AOPEP: variants seen among roughly 807,000 people sequenced by gnomAD.
AOPEP encodes aminopeptidase O.
Under a neutral mutation model 98.1 loss-of-function variants are expected in AOPEP, and 77 were observed. The ratio of observed to expected loss-of-function variants is 0.78; its 90% CI spans 0.65 to 0.95. AOPEP has a LOEUF of 0.95. Ranked by LOEUF, AOPEP falls within the 40% of genes least tolerant of loss-of-function variation. The pLI, the probability that AOPEP is intolerant of heterozygous loss-of-function variation, is 0.00. For synonymous variants in AOPEP, 346 were observed against 365.3 expected, an observed-to-expected ratio of 0.95 and a Z score of 0.60; for missense variants, 1,024 against 1,024.7, an observed-to-expected ratio of 1.00 and a Z score of 0.01.
chr9:95,041,245 G>C (rs2133571284), intron 13 of AOPEP, among the ~76,000 whole-genome samples: 1 of 152,270 alleles, frequency 6.6e-6, no homozygotes, highest in East Asian at 1.9e-4. Flanking sequence ...GCCAAAGAAA[G>C]ACTCCTTTGT....
chr9:94,782,277 A>G (rs1048408227), intron 3 of AOPEP, among the ~76,000 whole-genome samples: 1 of 152,210 alleles, frequency 6.6e-6, no homozygotes, highest in Non-Finnish European at 1.5e-5. Flanking sequence ...AGACTGCCTA[A>G]TGGAAGCTCC....
chr9:94,846,647 C>T (rs564067244), intron 5 of AOPEP, among the ~76,000 whole-genome samples: 67 of 152,292 alleles, frequency 4.4e-4, no homozygotes, highest in African/African-American at 1.4e-3. Context: ...GGCTCACGCC[C>T]GTAATCCTAG....
At chr9:94,957,750 C>T (rs572323718) in intron 9 of AOPEP, among the ~76,000 whole-genome samples, 1 of 152,044 alleles carries the variant, frequency 6.6e-6, no homozygotes, top group East Asian at 1.9e-4. Context: ...AATCCGCTTT[C>T]TGTCTCTATG....
chr9:94,928,828 G>A (rs1225736726), intron 7 of AOPEP: 4 of 291,004 alleles, frequency 1.4e-5, no homozygotes, highest in Admixed American at 5.2e-5. Context: ...CGGATGTGGC[G>A]AGGGTTGGGG....
At chr9:95,042,338 A>C (rs1417757188) in intron 13 of AOPEP, among the ~76,000 whole-genome samples, 2 of 151,506 alleles carry the variant, frequency 1.3e-5, no homozygotes, top group Non-Finnish European at 2.9e-5. Context: ...ATAAATAAAT[A>C]AATACATAAA....
intron 5 of AOPEP, among the ~76,000 whole-genome samples, chr9:94,892,258 C>T (rs962494641): frequency 9.2e-5 from 14 of 152,196 alleles, no homozygotes; most frequent in African/African-American, 3.4e-4. Flanking sequence ...AATCTACTCC[C>T]TTCCTCCTCT....
intron 9 of AOPEP, among the ~76,000 whole-genome samples, chr9:94,965,327 G>A (rs1422783573): frequency 6.6e-6 from 1 of 152,156 alleles, no homozygotes. Flanking sequence ...ACGTCAAACA[G>A]CAATAAACAA....
intron 11 of AOPEP, among the ~76,000 whole-genome samples, chr9:94,981,361 C>A (rs1281594301): frequency 1.3e-5 from 2 of 152,162 alleles, no homozygotes; most frequent in East Asian, 1.9e-4. Flanking sequence ...ACTGAAGAAA[C>A]CTGCTGTCAA....
chr9:94,918,814 G>A (rs1468784037), intron 5 of AOPEP, among the ~76,000 whole-genome samples: 6 of 152,164 alleles, frequency 3.9e-5, no homozygotes, highest in Admixed American at 3.9e-4. Context: ...AAGGAATGTG[G>A]CCCTGGGGCT....
intron 1 of AOPEP, among the ~76,000 whole-genome samples, chr9:94,756,327 G>C (rs1023489670): frequency 2.6e-5 from 4 of 152,030 alleles, no homozygotes; most frequent in African/African-American, 9.7e-5. Flanking sequence ...ACTTTGGGAG[G>C]CTGAGGTGGG....
intron 3 of AOPEP, among the ~76,000 whole-genome samples, chr9:94,791,839 A>G (rs1588232437): frequency 6.6e-6 from 1 of 152,174 alleles, no homozygotes; most frequent in Non-Finnish European, 1.5e-5. Flanking sequence ...TTAAAAAAAA[A>G]GATGATATAA....
At chr9:94,839,778 C>CT (rs941586048) in intron 5 of AOPEP, among the ~76,000 whole-genome samples, 8 of 151,462 alleles carry the variant, frequency 5.3e-5, no homozygotes, top group Middle Eastern at 3.2e-3. Context: ...TCTTCCTGAT[C>CT]TTTTTTTTGA....
At chr9:94,817,064 G>A (rs559722985) in intron 5 of AOPEP, among the ~76,000 whole-genome samples, 71 of 152,130 alleles carry the variant, frequency 4.7e-4, no homozygotes, top group Admixed American at 9.8e-4. Context: ...GCAGTGGCAC[G>A]ATCATGGCTC....
chr9:94,900,741 A>G (rs1405888751), intron 5 of AOPEP: 1 of 152,178 alleles, frequency 6.6e-6, no homozygotes, highest in Non-Finnish European at 1.5e-5. Context: ...CTGCTTGAGG[A>G]GAGTGGGGCA....
At chr9:95,006,879 A>T (rs7873089) in intron 13 of AOPEP, among the ~76,000 whole-genome samples, 91 of 149,290 alleles carry the variant, frequency 6.1e-4, no homozygotes, top group African/African-American at 1.3e-3. Flanking sequence ...GGTATTTTTT[A>T]AAAAATGTGT....
chr9:94,913,225 T>C (rs1487993281), intron 5 of AOPEP, among the ~76,000 whole-genome samples: 2 of 152,186 alleles, frequency 1.3e-5, no homozygotes, highest in South Asian at 2.1e-4. Context: ...TGCATTCCAT[T>C]TGGGGAGAAG....
At chr9:94,936,132 A>T (rs1048157132) in intron 7 of AOPEP, among the ~76,000 whole-genome samples, 1 of 151,914 alleles carries the variant, frequency 6.6e-6, no homozygotes, top group African/African-American at 2.4e-5. Flanking sequence ...TCTATTTTCT[A>T]CTTCTGGTCT....
intron 16 of AOPEP, among the ~76,000 whole-genome samples, chr9:95,083,802 G>C (rs771804679): frequency 6.6e-5 from 10 of 152,136 alleles, no homozygotes; most frequent in Non-Finnish European, 1.3e-4. Context: ...TGTCTTGAGG[G>C]CAGGTCCTAC....
chr9:94,973,881 C>G (rs891482674), intron 10 of AOPEP, among the ~76,000 whole-genome samples: 2 of 152,270 alleles, frequency 1.3e-5, no homozygotes, highest in Admixed American at 1.3e-4. Flanking sequence ...AGCCACATGA[C>G]CTCAGAGGGA....
Sources: gnomAD v4.1 joint callset for allele counts (sites outside exome capture counted in the v4.1 genomes callset) on GRCh38, gnomAD v4.1.1 for gene constraint, MANE v1.5 for transcripts, NCBI Gene and HGNC (gene_info 2026-07-23, HGNC 2026-07-21) for gene names.